The following DLGAP1 variants were observed in gnomAD, a reference collection of about 807,000 sequenced individuals.
DLGAP1 encodes the protein DLG associated protein 1, also known as disks large-associated protein 1.
A neutral mutation model predicts 90.8 loss-of-function variants in DLGAP1; 11 were observed. That is an observed-to-expected ratio of 0.12 (90% CI 0.08 to 0.20). The LOEUF (loss-of-function observed/expected upper bound fraction) is 0.20, where lower values mean the gene tolerates loss of function less well. DLGAP1 is among the 10% of genes least tolerant of loss of function. The pLI is 1.00. For missense variants in DLGAP1, 1,050 were observed against 1,333.8 expected, an observed-to-expected ratio of 0.79 and a Z score of 3.31; for synonymous variants, 558 against 540.7, an observed-to-expected ratio of 1.03 and a Z score of -0.44.
chr18:4,254,259 T>C (rs1251239311), intron 1 of DLGAP1, among the ~76,000 whole-genome samples: 1 of 152,204 alleles, frequency 6.6e-6, no homozygotes, highest in Non-Finnish European at 1.5e-5. Flanking sequence ...GAGCTGCTTC[T>C]GTTGATGATC....
chr18:3,781,719 G>T (rs11081072), intron 5 of DLGAP1, among the ~76,000 whole-genome samples: 150,620 of 152,318 alleles, frequency 0.99, 74,478 homozygotes, highest in African/African-American at 1. Context: ...TACCCGTAAG[G>T]GGACCTGCTG....
At position 3,499,449 on chromosome 18, in the gene DLGAP1, A is replaced by C; in HGVS notation, c.2725-55T>G. ...CACAGCTTCTCAGGACAAGCTTGGG[A>C]AAAACTGGGATAGGTCAGTAGTTAG... On this transcript the variant is annotated intron_variant, in intron 12 of 12. Coordinates refer to ENST00000315677, the MANE Select transcript of DLGAP1 (RefSeq NM_004746.4). The surrounding 1 kb of genome is among the most constrained non-coding windows in gnomAD (Gnocchi z 6.4). The C allele has an allele frequency of 2.6e-6, 4 of 1,535,058 alleles. No individual in the cohort carries two copies. Among genetic ancestry groups the C allele is most frequent in the Non-Finnish European group, 2.6e-6 (3 of 1,136,458 alleles).
At chr18:4,063,161 G>A (rs1189535992) in intron 2 of DLGAP1, among the ~76,000 whole-genome samples, 1 of 152,054 alleles carries the variant, frequency 6.6e-6, no homozygotes, top group East Asian at 1.9e-4. Flanking sequence ...CAGATACAGA[G>A]TAGAACTTCT....
At chr18:3,705,154 G>A (rs888490524) in intron 7 of DLGAP1, among the ~76,000 whole-genome samples, 2 of 152,080 alleles carry the variant, frequency 1.3e-5, no homozygotes, top group Non-Finnish European at 2.9e-5. Context: ...AATTTGGTAG[G>A]GCTATTTAAA....
chr18:4,345,893 A>G (rs1437172064), intron 1 of DLGAP1, among the ~76,000 whole-genome samples: 2 of 152,232 alleles, frequency 1.3e-5, no homozygotes, highest in Non-Finnish European at 2.9e-5. Flanking sequence ...ACTCTTACAC[A>G]GTGTTAGTGA....
intron 3 of DLGAP1, chr18:3,978,249 G>A (rs1365678136): frequency 7.1e-6 from 3 of 422,956 alleles, no homozygotes; most frequent in African/African-American, 2.1e-5. Flanking sequence ...AGCAGAGGGG[G>A]CAGAGGTGAT....
chr18:4,079,111 T>G (rs747788361), intron 2 of DLGAP1, among the ~76,000 whole-genome samples: 2 of 152,060 alleles, frequency 1.3e-5, no homozygotes, highest in African/African-American at 4.8e-5. Flanking sequence ...CACATAAATT[T>G]AAGGATAGCC....
chr18:4,338,277 T>G (rs767781044), intron 1 of DLGAP1, among the ~76,000 whole-genome samples: 5 of 152,220 alleles, frequency 3.3e-5, no homozygotes, highest in African/African-American at 4.8e-5. Context: ...TCAGCTGGAA[T>G]GTAAAATCCC....
At chr18:3,869,674 A>G (rs1433389301) in intron 4 of DLGAP1, among the ~76,000 whole-genome samples, 8 of 152,226 alleles carry the variant, frequency 5.3e-5, no homozygotes, top group Admixed American at 5.2e-4. Context: ...ATTAAGACCT[A>G]CTGTCATCCC....
chr18:4,135,111 A>C (rs1274365848), intron 2 of DLGAP1, among the ~76,000 whole-genome samples: 1 of 152,174 alleles, frequency 6.6e-6, no homozygotes, highest in East Asian at 1.9e-4. Flanking sequence ...TGGGCATTAA[A>C]ATATTACGGT....
chr18:4,053,837 C>T (rs2075173266), intron 2 of DLGAP1, among the ~76,000 whole-genome samples: 1 of 152,002 alleles, frequency 6.6e-6, no homozygotes, highest in East Asian at 1.9e-4. Context: ...GGGTAAAATC[C>T]AGTATTTGGT....
At chr18:4,371,397 A>G (rs572667590) in intron 1 of DLGAP1, among the ~76,000 whole-genome samples, 3 of 152,340 alleles carry the variant, frequency 2.0e-5, no homozygotes, top group South Asian at 4.1e-4. Context: ...TGGTTTTAGA[A>G]CTTGCATTTT....
In DLGAP1 at chr18:3,510,955, C is replaced by A. The variant is rs377767013; in HGVS notation, c.2480-2294G>T. Among the ~76,000 whole-genome samples the A allele has an allele frequency of 3.3e-5, 5 of 152,328 alleles. No individual in the cohort carries two copies. The South Asian group carries it at 8.3e-4, about 25-fold the overall frequency. On this transcript the variant is annotated intron_variant, in intron 10 of 12. Transcript: ENST00000315677. ...TTCTCAAAAGTAAAACAAGGGATAT[C>A]TTTCTTCATTCAGCATGGCCTGGCA...
chr18:4,159,372 C>T (rs145060980), intron 1 of DLGAP1, among the ~76,000 whole-genome samples: 32 of 152,258 alleles, frequency 2.1e-4, no homozygotes, highest in African/African-American at 7.0e-4. Context: ...CCAACAGAAC[C>T]AAACTGCTTT....
At chr18:4,390,166 G>GAA (rs5822813) in intron 1 of DLGAP1, among the ~76,000 whole-genome samples, 167 of 147,142 alleles carry the variant, frequency 1.1e-3, no homozygotes, top group African/African-American at 2.5e-3. Flanking sequence ...CAAATTGTGT[G>GAA]AAAAAAAAAA....
At chr18:4,360,542 A>G (rs961609508) in intron 1 of DLGAP1, among the ~76,000 whole-genome samples, 1 of 152,234 alleles carries the variant, frequency 6.6e-6, no homozygotes, top group Non-Finnish European at 1.5e-5. Context: ...AAACATAGAT[A>G]AATAAAGCAA....
chr18:3,684,835 T>G (rs1431287268), intron 7 of DLGAP1, among the ~76,000 whole-genome samples: 1 of 152,158 alleles, frequency 6.6e-6, no homozygotes, highest in African/African-American at 2.4e-5. Context: ...CCATCAACAT[T>G]GCAACCAAAA....
intron 1 of DLGAP1, among the ~76,000 whole-genome samples, chr18:4,291,223 T>C (rs932752169): frequency 3.3e-5 from 5 of 152,156 alleles, no homozygotes; most frequent in African/African-American, 1.2e-4. Flanking sequence ...TAATACAGAC[T>C]GAGTAGATGT....
intron 1 of DLGAP1, among the ~76,000 whole-genome samples, chr18:4,178,553 G>A (rs1311048367): frequency 1.3e-5 from 2 of 152,026 alleles, no homozygotes; most frequent in Non-Finnish European, 2.9e-5. Flanking sequence ...AGAATAAGGT[G>A]CTCTTTAAAT....
Sources: gnomAD v4.1 joint callset for allele counts (sites outside exome capture counted in the v4.1 genomes callset) on GRCh38, gnomAD v4.1.1 for gene constraint, Gnocchi (gnomAD v3.1) non-coding constraint, MANE v1.5 for transcripts, NCBI Gene and HGNC (gene_info 2026-07-23, HGNC 2026-07-21) for gene names.